MLLT3: variants seen among roughly 807,000 people sequenced by gnomAD.
The protein encoded by MLLT3 is MLLT3 super elongation complex subunit.
Under a neutral mutation model 53.2 loss-of-function variants are expected in MLLT3, and 4 were observed. That is an observed-to-expected ratio of 0.08 (90% confidence interval 0.04 to 0.17). The LOEUF (loss-of-function observed/expected upper bound fraction) is 0.17. MLLT3 is among the 10% of genes least tolerant of loss of function. The pLI is 1.00. For synonymous variants in MLLT3, 283 were observed against 230.6 expected, an observed-to-expected ratio of 1.23 and a Z score of -2.06; for missense variants, 569 against 684.0, an observed-to-expected ratio of 0.83 and a Z score of 1.87.
chr9:20,439,605 A>AT (rs1466196560), intron 4 of MLLT3, among the ~76,000 whole-genome samples: 1 of 152,038 alleles, frequency 6.6e-6, no homozygotes, highest in Non-Finnish European at 1.5e-5. Flanking sequence ...GAGTGGGGGG[A>AT]TGGCGGAGAA....
At chr9:20,588,273 T>C (rs1277162012) in intron 2 of MLLT3, among the ~76,000 whole-genome samples, 19 of 150,060 alleles carry the variant, frequency 1.3e-4, no homozygotes, top group Admixed American at 8.0e-4. Flanking sequence ...AGTCAGGTAG[T>C]GTGATGCCTC....
intron 2 of MLLT3, among the ~76,000 whole-genome samples, chr9:20,539,368 G>A (rs1342274101): frequency 2.0e-5 from 3 of 152,160 alleles, no homozygotes; most frequent in Non-Finnish European, 4.4e-5. Flanking sequence ...CATTTTCACA[G>A]TGCTATAAAG....
chr9:20,465,343 T>C (rs1468382726), intron 2 of MLLT3, among the ~76,000 whole-genome samples: 2 of 152,202 alleles, frequency 1.3e-5, no homozygotes, highest in African/African-American at 4.8e-5. Flanking sequence ...AATAGATGGG[T>C]GTTGTTCTTT....
chr9:20,434,210 T>C (rs1823346676), intron 4 of MLLT3, among the ~76,000 whole-genome samples: 1 of 152,300 alleles, frequency 6.6e-6, no homozygotes, highest in African/African-American at 2.4e-5. Context: ...GTTAATAATG[T>C]ATCAGTGCTA....
chr9:20,513,477 C>A (rs759402483), intron 2 of MLLT3, among the ~76,000 whole-genome samples: 123 of 152,202 alleles, frequency 8.1e-4, no homozygotes, highest in Non-Finnish European at 1.5e-3. Flanking sequence ...AGCAGATGGG[C>A]AGCCAGAGAG....
intron 2 of MLLT3, among the ~76,000 whole-genome samples, chr9:20,581,161 T>C (rs185020742): frequency 5.9e-5 from 9 of 152,278 alleles, no homozygotes; most frequent in Non-Finnish European, 1.0e-4. Flanking sequence ...ACTCAATCTG[T>C]CTTAAATATA....
chr9:20,346,497 G>T lies in MLLT3; in HGVS notation c.1653C>A (p.Asp551Glu). ...TCTGTAGTTTACGGACTGTGGTTTT[G>T]TCCAGCGAGCAAAGATCAAAATCAA... ...TTFDFDLCSL[D>E]KTTVRKLQSY... Residue 551 changes from aspartate (D) to glutamate (E), a missense_variant, in exon 11 of 11, where the codon GAC becomes GAA. By Grantham distance (45) the Asp-to-Glu change is conservative. This residue lies in a region of MLLT3 where 45 missense variants were observed against 85.5 expected (regional missense o/e 0.53). Transcript: ENST00000380338. 1 of 1,611,980 alleles carries T rather than the reference G, an allele frequency of 6.2e-7. No homozygotes were observed. The highest frequency in any genetic ancestry group is 8.5e-7 in the Non-Finnish European group (1 of 1,179,090).
intron 5 of MLLT3, among the ~76,000 whole-genome samples, chr9:20,395,659 G>A (rs1822303958): frequency 6.6e-6 from 1 of 152,128 alleles, no homozygotes; most frequent in Admixed American, 6.5e-5. Context: ...TGGCATTCAG[G>A]AAAGAAATTT....
intron 2 of MLLT3, among the ~76,000 whole-genome samples, chr9:20,605,158 A>G (rs1037592506): frequency 6.6e-6 from 1 of 152,086 alleles, no homozygotes; most frequent in Non-Finnish European, 1.5e-5. Context: ...ACCTAAAACA[A>G]CTGTATAATG....
chr9:20,615,359 TGAA>T (rs1563845146), intron 2 of MLLT3, among the ~76,000 whole-genome samples: 3 of 37,518 alleles, frequency 8.0e-5, no homozygotes, highest in African/African-American at 1.1e-4. Flanking sequence ...CCAGACCATG[TGAA>T]AAAAAAAAAA....
intron 2 of MLLT3, among the ~76,000 whole-genome samples, chr9:20,501,078 T>C (rs942698366): frequency 5.3e-5 from 8 of 152,214 alleles, no homozygotes. Flanking sequence ...GATTTTTGGA[T>C]AATTTACCAA....
Position 20,344,186 on chromosome 9 carries a change from T to A in MLLT3, c.*2257A>T, listed in dbSNP as rs1427772169. The A allele has an allele frequency of 1.0e-5, 2 of 196,262 alleles. No individual in the cohort carries two copies. The highest frequency in any genetic ancestry group is 1.1e-5 in the Non-Finnish European group (1 of 94,646). The allele number at this position is 196,262 out of a possible 1,614,324, so 12.2% of individuals were successfully genotyped here. A position where few individuals can be genotyped will look rare whatever the true frequency, so the allele number is the denominator to read the frequency against. On this transcript the variant is annotated 3_prime_UTR_variant, in exon 11 of 11. Coordinates refer to ENST00000380338, the MANE Select transcript of MLLT3 (RefSeq NM_004529.4). ...ATTATTTTTGTTTGGTCATTTCTTA[T>A]CTTACCTAGCTTCTTGGTTAGTAAC...
rs182312088 is a variant in MLLT3, at chr9:20,613,206, A to T, written c.193+7448T>A. Among the ~76,000 whole-genome samples, 204 of 152,328 alleles carry T rather than the reference A, an allele frequency of 1.3e-3. 2 individuals are homozygous for T. Among genetic ancestry groups the T allele is most frequent in the Non-Finnish European group, 6.2e-4 (42 of 68,028 alleles). On this transcript the variant is annotated intron_variant, in intron 2 of 10. Coordinates refer to ENST00000380338, the MANE Select transcript of MLLT3 (RefSeq NM_004529.4). The stretch of plus-strand genomic sequence containing the variant: ...TCACTCATAAAAATATTCTGGTATT[A>T]AATAATGGCAATGGTTACACAACCT...
intron 2 of MLLT3, among the ~76,000 whole-genome samples, chr9:20,461,236 G>C (rs768631526): frequency 1.3e-5 from 2 of 152,178 alleles, no homozygotes; most frequent in Non-Finnish European, 2.9e-5. Flanking sequence ...TCCCTGAAAT[G>C]TCTTTTCAAA....
In MLLT3 at chr9:20,425,636, G is replaced by A. The variant is rs371860708; in HGVS notation, c.421-11211C>T. 3.6e-4 allele frequency among the ~76,000 whole-genome samples: 54 copies of A among 151,816 alleles called. No homozygotes were observed. In the East Asian group the frequency reaches 8.1e-3, roughly 23 times the overall value. ...TGTCATTTGTTATCTTACTGTTTTC[G>A]AGCAAACTACAATCAAGCATCAATC... is the stretch of plus-strand genomic sequence containing the variant. On this transcript the variant is annotated intron_variant, in intron 4 of 10. Coordinates refer to ENST00000380338, the MANE Select transcript of MLLT3 (RefSeq NM_004529.4).
chr9:20,373,745 C>A (rs552231324), intron 5 of MLLT3, among the ~76,000 whole-genome samples: 1 of 151,968 alleles, frequency 6.6e-6, no homozygotes, highest in Non-Finnish European at 1.5e-5. Flanking sequence ...AAAATGTAAA[C>A]CTCACCTAGA....
In MLLT3 at chr9:20,378,143, ATG is replaced by A. The variant is rs937081039; in HGVS notation, c.1126-12401_1126-12400del. 3.2e-3 allele frequency among the ~76,000 whole-genome samples: 480 copies of A among 151,908 alleles called. 2 individuals are homozygous for A. The highest frequency in any genetic ancestry group is 0.011 in the African/African-American group (466 of 41,356). The stretch of plus-strand genomic sequence containing the variant: ...TACTTTTAAATTTTCAATTTTTTGT[ATG>A]TGTTTTCTTGTACATAATATGAAAG... On this transcript the variant is annotated intron_variant, in intron 5 of 10. Transcript: ENST00000380338.
chr9:20,545,856 CAA>C (rs5896901), intron 2 of MLLT3, among the ~76,000 whole-genome samples: 463 of 99,822 alleles, frequency 4.6e-3, no homozygotes, highest in African/African-American at 0.017. Context: ...CAGTCTCTAC[CAA>C]AAAAAAAAAA....
chr9:20,490,227 T>C (rs1440529341), intron 2 of MLLT3, among the ~76,000 whole-genome samples: 1 of 152,196 alleles, frequency 6.6e-6, no homozygotes, highest in Admixed American at 6.5e-5. Context: ...TGTGAAGGGA[T>C]TCTGCAAATA....
Sources: allele counts gnomAD v4.1 joint callset (sites outside exome capture counted in the v4.1 genomes callset), GRCh38; gene constraint gnomAD v4.1.1; regional missense constraint gnomAD v4.1.1; transcripts MANE v1.5; gene names NCBI Gene and HGNC (gene_info 2026-07-23, HGNC 2026-07-21).